Variants in PRRT4 observed in about 807,000 individuals in gnomAD.
The protein encoded by PRRT4 is proline rich transmembrane protein 4, also known as proline-rich transmembrane protein 4.
In PRRT4, 59 loss-of-function variants were observed where a neutral mutation model predicts 55.6. The observed-to-expected ratio is 1.06, with a 90% CI of 0.86 to 1.32. The LOEUF is 1.32. PRRT4 is among the 40% of genes most tolerant of loss of function. The probability of loss-of-function intolerance (pLI) is 0.00; values close to 1 mark genes in which losing one functional copy is unlikely to be tolerated. For synonymous variants in PRRT4, 606 were observed against 601.8 expected (o/e 1.01, Z -0.10); for missense variants, 1,217 against 1,222.0 (o/e 1.00, Z 0.06).
At chr7:128,352,086 C>T (rs542061624) in exon 5 of PRRT4, 42 of 1,142,994 alleles carry the variant, frequency 3.7e-5, no homozygotes, top group Middle Eastern at 3.7e-4. Flanking sequence ...GGGGCCGCAG[C>T]GGGCGATGCG....
intron 4 of PRRT4, among the ~76,000 whole-genome samples, chr7:128,357,962 T>G (rs181048676): frequency 6.6e-6 from 1 of 152,326 alleles, no homozygotes; most frequent in East Asian, 1.9e-4. Flanking sequence ...TAGCTACTAT[T>G]TAATGAGCCT....
At chr7:128,352,135 C>G (rs1203311350) in exon 5 of PRRT4, 2 of 1,292,202 alleles carry the variant, frequency 1.5e-6, no homozygotes, top group African/African-American at 3.1e-5. Flanking sequence ...CAGCCCCAGC[C>G]CCAGGAGCAG....
At chr7:128,357,464 G>A (rs1186607326) in intron 4 of PRRT4, among the ~76,000 whole-genome samples, 2 of 152,116 alleles carry the variant, frequency 1.3e-5, no homozygotes, top group Non-Finnish European at 2.9e-5. Context: ...GGCCAGCGCT[G>A]TCACCAAGGC....
chr7:128,351,201 C>T, exon 5 of PRRT4: 3 of 1,541,398 alleles, frequency 1.9e-6, no homozygotes, highest in Non-Finnish European at 1.7e-6. Context: ...GCTCCGGGGG[C>T]GCAGCGGGGC....
At chr7:128,351,116 A>G in exon 5 of PRRT4, 1 of 1,548,290 alleles carries the variant, frequency 6.5e-7, no homozygotes, top group Non-Finnish European at 8.7e-7. Flanking sequence ...AGCATGGACG[A>G]GCTGTCCCGC....
intron 4 of PRRT4, among the ~76,000 whole-genome samples, chr7:128,353,859 T>A (rs1381848454): frequency 6.6e-6 from 1 of 152,054 alleles, no homozygotes; most frequent in African/African-American, 2.4e-5. Flanking sequence ...CCTTCCCATA[T>A]CCCTTGGAAA....
intron 4 of PRRT4, among the ~76,000 whole-genome samples, chr7:128,356,011 A>G (rs531842975): frequency 3.9e-5 from 6 of 152,286 alleles, no homozygotes; most frequent in African/African-American, 7.2e-5. Context: ...CTGTAATCCC[A>G]GCACTTTGGG....
exon 5 of PRRT4, chr7:128,351,248 C>T (rs894626173): frequency 5.2e-6 from 8 of 1,539,488 alleles, no homozygotes; most frequent in Middle Eastern, 1.7e-4. Flanking sequence ...GCCCTGCCCC[C>T]GGTCCCCAGC....
chr7:128,358,891 T>C lies in PRRT4; in HGVS notation c.758-91A>G, dbSNP rs1797172425. The C allele has an allele frequency of 6.8e-7, 1 of 1,464,818 alleles. No homozygotes were observed. The highest frequency in any genetic ancestry group is 9.0e-7 in the Non-Finnish European group (1 of 1,110,730). 90.7% of individuals were successfully genotyped at this position (1,464,818 alleles called of 1,614,324 possible). A position where few individuals can be genotyped will look rare whatever the true frequency, so the allele number is the denominator to read the frequency against. ...AGAAAATTATGTCCTTCCCCAGAGT[T>C]TGTCCTAAGGAAGTCACTGTCCCAG... On this transcript the variant is annotated intron_variant, in intron 3 of 4. Transcript: ENST00000535159. This position sits in a 1 kb window ranked among gnomAD's most constrained non-coding sequence, Gnocchi z 4.4.
At chr7:128,355,790 C>T (rs528003015) in intron 4 of PRRT4, among the ~76,000 whole-genome samples, 19 of 152,274 alleles carry the variant, frequency 1.2e-4, no homozygotes, top group African/African-American at 4.6e-4. Flanking sequence ...CACGGTCTGC[C>T]CCAGCCTGTC....
chr7:128,361,787 A>T (rs1276575454), upstream of PRRT4: 1 of 150,756 alleles, frequency 6.6e-6, no homozygotes, highest in Non-Finnish European at 1.5e-5. Context: ...GTCCCCCCAC[A>T]CCCGGGCGGG....
chr7:128,353,171 A>G (rs1044995878), intron 4 of PRRT4, among the ~76,000 whole-genome samples: 3 of 152,104 alleles, frequency 2.0e-5, no homozygotes, highest in Non-Finnish European at 2.9e-5. Context: ...GAATCCCTGT[A>G]CTGCCGGATG....
intron 1 of PRRT4, 149 bp from the exon 3 acceptor site, chr7:128,360,212 C>G: frequency 2.5e-6 from 1 of 400,586 alleles, no homozygotes; most frequent in South Asian, 1.4e-4. Flanking sequence ...TCTGGCTCTT[C>G]TTGCCGGGCC....
exon 5 of PRRT4, chr7:128,352,285 T>C: frequency 6.5e-7 from 1 of 1,543,610 alleles, no homozygotes; most frequent in Non-Finnish European, 8.7e-7. Context: ...TCGATCCCTG[T>C]GCCCATAGGC....
chr7:128,360,101 C>A, intron 1 of PRRT4, 38 bp from the exon 3 acceptor site: 1 of 838,136 alleles, frequency 1.2e-6, no homozygotes, highest in Non-Finnish European at 1.6e-6. Flanking sequence ...CTGGCTGTGG[C>A]CCCCCTCTTC....
At chr7:128,351,777 C>A in exon 5 of PRRT4, 27 of 1,428,458 alleles carry the variant, frequency 1.9e-5, no homozygotes, top group Non-Finnish European at 2.3e-5. Flanking sequence ...AGGGCCAGGG[C>A]CCTTCCAGGC....
exon 3 of PRRT4, chr7:128,359,175 G>A (rs1797178504): frequency 6.4e-7 from 1 of 1,551,772 alleles, no homozygotes; most frequent in African/African-American, 1.4e-5. Flanking sequence ...TCCAGAGGCA[G>A]AGCTTGTGGA....
chr7:128,357,842 GCTGTGTGGTTTGTGTTGTCCCACCA>G (rs1348722108), intron 4 of PRRT4, among the ~76,000 whole-genome samples: 2 of 152,178 alleles, frequency 1.3e-5, no homozygotes, highest in African/African-American at 4.8e-5. Flanking sequence ...TGTGCCCTCT[GCTGTGTGGTTTGTGTTGTCCCACCA>G]CTGCCTGGGG....
Position 128,354,547 on chromosome 7 carries a change from G to A in PRRT4, c.878-1869C>T, listed in dbSNP as rs77368403. Among the ~76,000 whole-genome samples the A allele has an allele frequency of 2.3e-3, 337 of 148,606 alleles. 10 individuals carry two copies. In the East Asian group the frequency reaches 0.049, roughly 22 times the overall value. ...CCTCTGCACTCCAGCCTGGGTGACAGAGCGAGACTCTGGCTCAAAAAAAAC... is the reference window on the plus strand; with the variant it reads ...CCTCTGCACTCCAGCCTGGGTGACAAAGCGAGACTCTGGCTCAAAAAAAAC... On this transcript the variant is annotated intron_variant, in intron 4 of 4. Coordinates refer to ENST00000535159, the Ensembl canonical transcript of PRRT4.
Sources: allele counts gnomAD v4.1 joint callset (sites outside exome capture counted in the v4.1 genomes callset), GRCh38; gene constraint gnomAD v4.1.1; non-coding constraint Gnocchi (gnomAD v3.1); transcripts MANE v1.5; gene names NCBI Gene and HGNC (gene_info 2026-07-23, HGNC 2026-07-21).